Variants in IQCH observed in about 807,000 individuals in gnomAD.
The protein encoded by IQCH is IQ motif containing H, also known as IQ domain-containing protein H.
In IQCH, 98 loss-of-function variants were observed where a neutral mutation model predicts 117.0. That is an observed-to-expected ratio of 0.84 (90% CI 0.71 to 0.99). IQCH has a LOEUF of 0.99. IQCH is among the 50% of genes least tolerant of loss of function. The probability of loss-of-function intolerance (pLI) is 0.00; values close to 1 mark genes in which losing one functional copy is unlikely to be tolerated. For synonymous variants in IQCH, 412 were observed against 448.2 expected (o/e 0.92, Z 1.02); for missense variants, 1,102 against 1,243.8 (o/e 0.89, Z 1.72).
chr15:67,479,227 C>T lies in IQCH; in HGVS notation c.2799+3409C>T, dbSNP rs552284062. Among the ~76,000 whole-genome samples, 5 of 152,314 alleles carry T rather than the reference C, an allele frequency of 3.3e-5. No homozygotes were observed. Among genetic ancestry groups the T allele is most frequent in the African/African-American group, 1.2e-4 (5 of 41,570 alleles). ...TCATTATCTCATTTATTCTTCATGC[C>T]TGTCCTATAAGAAGGTGTTATTTCT... On this transcript the variant is annotated intron_variant, in intron 18 of 20. Transcript: ENST00000335894. The surrounding 1 kb of genome is among the most constrained non-coding windows in gnomAD (Gnocchi z 4.6).
At chr15:67,358,198 C>CTTTTTTTTTTTTTTTTT (rs1190464651) in intron 7 of IQCH, among the ~76,000 whole-genome samples, 1 of 5,458 alleles carries the variant, frequency 1.8e-4, no homozygotes, top group Admixed American at 2.5e-3. Context: ...TCATGAGGCA[C>CTTTTTTTTTTTTTTTTT]TTTCTTTTCT....
intron 3 of IQCH, among the ~76,000 whole-genome samples, chr15:67,278,559 T>C (rs971235885): frequency 5.9e-5 from 9 of 152,250 alleles, no homozygotes; most frequent in Admixed American, 2.6e-4. Context: ...CAGTTTACCC[T>C]GTGATCTCAA....
rs116746378 is a variant in IQCH at position 67,298,851 on chromosome 15, G to A, written c.387+19339G>A. ...ACTGTGCTCCAGCCTGGGTGACAGAGCAATAATCTGTCTGAACAACAACAA... is the reference window on the plus strand; with the variant it reads ...ACTGTGCTCCAGCCTGGGTGACAGAACAATAATCTGTCTGAACAACAACAA... On this transcript the variant is annotated intron_variant, in intron 4 of 20. Transcript: ENST00000335894. Among the ~76,000 whole-genome samples the A allele has an allele frequency of 8.8e-3, 1,340 of 152,124 alleles. 19 individuals are homozygous for A. Among genetic ancestry groups the A allele is most frequent in the African/African-American group, 0.031 (1,282 of 41,490 alleles).
At chr15:67,315,210 T>TTTTCTCC (rs1967790480) in intron 4 of IQCH, among the ~76,000 whole-genome samples, 1 of 152,188 alleles carries the variant, frequency 6.6e-6, no homozygotes, top group Non-Finnish European at 1.5e-5. Flanking sequence ...GATGAGCATA[T>TTTTCTCC]TTTCTCCTTA....
intron 16 of IQCH, among the ~76,000 whole-genome samples, chr15:67,452,628 C>T (rs1054283129): frequency 3.9e-5 from 6 of 152,230 alleles, no homozygotes; most frequent in Admixed American, 3.3e-4. Flanking sequence ...TTGTGGGTAA[C>T]CCGACCTTTC....
At chr15:67,317,883 C>T (rs1596167761) in intron 4 of IQCH, among the ~76,000 whole-genome samples, 1 of 151,984 alleles carries the variant, frequency 6.6e-6, no homozygotes, top group Non-Finnish European at 1.5e-5. Context: ...CTCCTTCTTC[C>T]CACCCCCAAG....
At chr15:67,368,498 A>G (rs1348394545) in intron 8 of IQCH, among the ~76,000 whole-genome samples, 1 of 152,242 alleles carries the variant, frequency 6.6e-6, no homozygotes, top group East Asian at 1.9e-4. Flanking sequence ...GGGACATTCC[A>G]TTCATATTCT....
chr15:67,471,545 A>C (rs1405700127), intron 17 of IQCH, among the ~76,000 whole-genome samples: 1 of 152,246 alleles, frequency 6.6e-6, no homozygotes, highest in Admixed American at 6.5e-5. Flanking sequence ...CAAGTCATAA[A>C]GGTGGTACAT....
chr15:67,270,067 T>C (rs1275714375), intron 3 of IQCH, among the ~76,000 whole-genome samples: 1 of 152,216 alleles, frequency 6.6e-6, no homozygotes, highest in Non-Finnish European at 1.5e-5. Context: ...CCATACTGTT[T>C]TCCATAGTGG....
intron 16 of IQCH, among the ~76,000 whole-genome samples, chr15:67,448,994 ATG>A (rs1211452917): frequency 2.6e-5 from 4 of 152,122 alleles, no homozygotes; most frequent in Admixed American, 2.0e-4. Context: ...GCATTTTTTC[ATG>A]TGTGTTTTGG....
At chr15:67,312,205 G>A (rs2140564115) in intron 4 of IQCH, among the ~76,000 whole-genome samples, 1 of 152,234 alleles carries the variant, frequency 6.6e-6, no homozygotes, top group South Asian at 2.1e-4. Flanking sequence ...GGGTCCATGG[G>A]TAGAACTGTA....
chr15:67,281,239 A>G (rs1178428409), intron 4 of IQCH, among the ~76,000 whole-genome samples: 15 of 152,226 alleles, frequency 9.9e-5, no homozygotes, highest in Admixed American at 9.8e-4. Context: ...TATTATGCCT[A>G]GGGTGTGGGC....
intron 16 of IQCH, among the ~76,000 whole-genome samples, chr15:67,461,161 A>C (rs1395249082): frequency 6.6e-6 from 1 of 152,088 alleles, no homozygotes; most frequent in Admixed American, 6.5e-5. Flanking sequence ...GGATCACTTG[A>C]GGTCAGGAGT....
intron 6 of IQCH, among the ~76,000 whole-genome samples, chr15:67,347,791 T>C (rs35688953): frequency 0.22 from 32,047 of 147,392 alleles, 4,096 homozygotes; most frequent in East Asian, 0.49. Context: ...TTGAATCTAG[T>C]GCTCTGTCTA....
intron 5 of IQCH, among the ~76,000 whole-genome samples, chr15:67,339,379 C>T (rs1176833724): frequency 2.0e-5 from 3 of 152,094 alleles, no homozygotes; most frequent in African/African-American, 7.2e-5. Flanking sequence ...CAGTTAACAA[C>T]CAGTTCAAAA....
rs561948931 is a variant in IQCH at position 67,311,244 on chromosome 15, T to C, written c.388-25731T>C. On this transcript the variant is annotated intron_variant, in intron 4 of 20. Transcript: ENST00000335894. ...AATGTAAGCAGTTGGTAGATATTGT[T>C]AGTCATTCTATTTTGAAACAAAAAA... 1.1e-4 allele frequency among the ~76,000 whole-genome samples: 16 copies of C among 152,218 alleles called. No individual in the cohort carries two copies. In the East Asian group the frequency reaches 2.7e-3, roughly 26 times the overall value.
intron 16 of IQCH, among the ~76,000 whole-genome samples, chr15:67,461,607 T>A (rs551071976): frequency 6.6e-6 from 1 of 152,250 alleles, no homozygotes; most frequent in Admixed American, 6.5e-5. Context: ...AGGAAAAGGC[T>A]GAAGAAAATT....
At chr15:67,291,089 A>C (rs1402232735) in intron 4 of IQCH, among the ~76,000 whole-genome samples, 1 of 152,172 alleles carries the variant, frequency 6.6e-6, no homozygotes, top group East Asian at 1.9e-4. Context: ...AAGTCCAACC[A>C]CTAGGGAAGG....
chr15:67,256,125 C>G (rs1157992586), intron 1 of IQCH, among the ~76,000 whole-genome samples: 3 of 152,154 alleles, frequency 2.0e-5, no homozygotes, highest in Non-Finnish European at 4.4e-5. Context: ...AAGTGCTGTG[C>G]TCACATCTCC....
Sources: allele counts gnomAD v4.1 joint callset (sites outside exome capture counted in the v4.1 genomes callset), GRCh38; gene constraint gnomAD v4.1.1; non-coding constraint Gnocchi (gnomAD v3.1); transcripts MANE v1.5; gene names NCBI Gene and HGNC (gene_info 2026-07-23, HGNC 2026-07-21).